Variants in POMT2 observed in about 807,000 individuals in gnomAD.
The protein encoded by POMT2 is protein O-mannosyltransferase 2, also known as protein O-mannosyl-transferase 2.
A neutral mutation model predicts 100.0 loss-of-function variants in POMT2; 75 were observed. The ratio of observed to expected loss-of-function variants is 0.75; its 90% CI spans 0.62 to 0.91. The LOEUF is 0.91. Ranked by LOEUF, POMT2 falls within the 40% of genes least tolerant of loss-of-function variation. The probability of loss-of-function intolerance (pLI) is 0.00; values close to 1 mark genes in which losing one functional copy is unlikely to be tolerated. For missense variants in POMT2, 940 were observed against 955.1 expected (o/e 0.98, Z 0.21); for synonymous variants, 378 against 374.1 (o/e 1.01, Z -0.12).
At chr14:77,296,134 G>A (rs1220173281) in intron 9 of POMT2, 30 bp downstream of exon 9, 2 of 1,507,782 alleles carry the variant, frequency 1.3e-6, no homozygotes, top group African/African-American at 1.4e-5. Flanking sequence ...CAGCATTGCT[G>A]CCGTACAAGT....
chr14:77,304,594 G>T, intron 4 of POMT2, 98 bp downstream of exon 4: 1 of 1,528,170 alleles, frequency 6.5e-7, no homozygotes, highest in South Asian at 1.2e-5. Flanking sequence ...AATTGAACTG[G>T]ACCCACATAT....
Position 77,320,634 on chromosome 14 carries a change from G to C in POMT2, c.48C>G (p.Pro16=). The stretch of plus-strand genomic sequence containing the variant: ...CCTGGGGGCCACAGCGGCCCCTCCG[G>C]GGACGCAGCTCGGACTCTGCCAGGC... ...GGGLAESELR[P]RRGRCGPQAA... The change falls in exon 1 of 21, where the codon CCC becomes CCG. Residue 16 remains proline (P), a synonymous_variant. Coordinates refer to ENST00000261534, the MANE Select transcript of POMT2 (RefSeq NM_013382.7). The C allele has an allele frequency of 6.3e-7, 1 of 1,592,714 alleles. No homozygotes were observed. Among genetic ancestry groups the C allele is most frequent in the South Asian group, 1.1e-5 (1 of 90,574 alleles).
At chr14:77,317,741 G>A (rs1462474806) in intron 1 of POMT2, among the ~76,000 whole-genome samples, 1 of 152,176 alleles carries the variant, frequency 6.6e-6, no homozygotes, top group African/African-American at 2.4e-5. Flanking sequence ...TTGAAAATGT[G>A]AGATTCTCCC....
At position 77,285,581 on chromosome 14, in the gene POMT2, T is replaced by C. The variant is rs17852978; in HGVS notation, c.1384A>G (p.Lys462Glu). The C allele has an allele frequency of 2.5e-6, 4 of 1,613,776 alleles. No individual in the cohort carries two copies. In the African/African-American group the frequency reaches 5.3e-5, roughly 22 times the overall value. ...AGCACTTTGATCCGGTTTCCAAATT[T>C]CCTGTTTACGACCTCAATCCGCCAG... ...DFWRIEVVNRKFGNRIKVLRS... is the reference protein window; with the variant it reads ...DFWRIEVVNREFGNRIKVLRS... The change falls in exon 13 of 21, where the codon AAA becomes GAA. Residue 462 changes from lysine (K) to glutamate (E), a missense_variant. Lys to Glu is a moderately conservative substitution (Grantham distance 56). Coordinates refer to ENST00000261534, the MANE Select transcript of POMT2 (RefSeq NM_013382.7).
intron 8 of POMT2, among the ~76,000 whole-genome samples, chr14:77,298,245 T>G (rs533937632): frequency 2.2e-3 from 332 of 152,302 alleles, no homozygotes; most frequent in African/African-American, 7.6e-3. Flanking sequence ...GTGCTCCCTC[T>G]TTACGTACTT....
intron 2 of POMT2, among the ~76,000 whole-genome samples, chr14:77,307,271 G>T (rs1011265392): frequency 6.6e-6 from 1 of 152,242 alleles, no homozygotes; most frequent in South Asian, 2.1e-4. Flanking sequence ...GGCTGTGTTG[G>T]GGGAGGGAAT....
In POMT2 at chr14:77,302,825, A is replaced by G. The variant is rs1240189226; in HGVS notation, c.656+10T>C. On this transcript the variant is annotated intron_variant, in intron 5 of 20. Coordinates refer to ENST00000261534, the MANE Select transcript of POMT2 (RefSeq NM_013382.7). ...TCCAACCCTCCCCTCCCGGGGATGG[A>G]GTTTCTGACCTGTCGGCGCAAGAGT... The G allele has an allele frequency of 1.2e-6, 2 of 1,602,876 alleles. No homozygotes were observed. The highest frequency in any genetic ancestry group is 1.7e-6 in the Non-Finnish European group (2 of 1,170,354).
chr14:77,300,566 T>C (rs1890991753), intron 6 of POMT2: 1 of 171,730 alleles, frequency 5.8e-6, no homozygotes, highest in African/African-American at 2.4e-5. Flanking sequence ...ATGCCTGTAA[T>C]CCCCGCACTT....
At position 77,320,513 on chromosome 14, in the gene POMT2, A is replaced by G; in HGVS notation, c.169T>C (p.Trp57Arg). Residue 57 changes from tryptophan (W) to arginine (R), a missense_variant, in exon 1 of 21, where the codon TGG (tryptophan) becomes CGG (arginine). Transcript: ENST00000261534. ...WGSRRFEAVG[W>R]WALLALVTLL... ...GTCACCAAGGCCAGCAGGGCCCACC[A>G]GCCGACCGCCTCGAAGCGCCGTGAG... 6.4e-7 allele frequency: 1 copy of G among 1,551,142 alleles called. No homozygotes were observed. Among genetic ancestry groups the G allele is most frequent in the Non-Finnish European group, 8.7e-7 (1 of 1,152,142 alleles).
At chr14:77,312,246 A>G in intron 1 of POMT2, 1 of 692,826 alleles carries the variant, frequency 1.4e-6, no homozygotes, top group South Asian at 2.0e-5. Context: ...GAGAAAGGCG[A>G]GCAAATATTC....
intron 18 of POMT2, chr14:77,279,123 A>G: frequency 1.7e-6 from 1 of 575,076 alleles, no homozygotes; most frequent in South Asian, 1.9e-5. Context: ...CCCAGCCTCT[A>G]AAGAAACCCT....
intron 19 of POMT2, 95 bp downstream of exon 19, chr14:77,278,634 C>T: frequency 6.4e-7 from 1 of 1,550,772 alleles, no homozygotes; most frequent in Non-Finnish European, 8.9e-7. Flanking sequence ...ACAGTGGCCT[C>T]CCGTCAAGGA....
At chr14:77,299,172 T>A (rs1489528566) in intron 7 of POMT2, among the ~76,000 whole-genome samples, 1 of 152,250 alleles carries the variant, frequency 6.6e-6, no homozygotes, top group Non-Finnish European at 1.5e-5. Context: ...CTGCACATCT[T>A]ATTGTGGCCT....
chr14:77,292,847 A>G (rs371489639), intron 9 of POMT2, among the ~76,000 whole-genome samples: 2 of 152,336 alleles, frequency 1.3e-5, no homozygotes, highest in African/African-American at 4.8e-5. Context: ...GTCTAGGAGC[A>G]ATCAGCTATA....
At chr14:77,301,573 C>T (rs1891044650) in intron 5 of POMT2, among the ~76,000 whole-genome samples, 1 of 152,204 alleles carries the variant, frequency 6.6e-6, no homozygotes, top group Non-Finnish European at 1.5e-5. Context: ...AAAGGAGAAT[C>T]CTTAGGTGCC....
chr14:77,302,362 G>A (rs1173631297), intron 5 of POMT2, among the ~76,000 whole-genome samples: 2 of 152,166 alleles, frequency 1.3e-5, no homozygotes, highest in Non-Finnish European at 2.9e-5. Context: ...ATTAGGTCAG[G>A]ACTGGATGCA....
chr14:77,308,638 G>A (rs1329099050), intron 2 of POMT2: 4 of 355,834 alleles, frequency 1.1e-5, no homozygotes, highest in Non-Finnish European at 2.2e-5. Context: ...TTACAGGCGT[G>A]AGCCACCGCG....
intron 1 of POMT2, among the ~76,000 whole-genome samples, chr14:77,318,438 T>C (rs571889995): frequency 5.3e-4 from 81 of 152,340 alleles, no homozygotes; most frequent in South Asian, 6.2e-4. Context: ...ACCTCCCTCA[T>C]AGGTGTGCAA....
At chr14:77,307,799 C>G (rs1347813073) in intron 2 of POMT2, among the ~76,000 whole-genome samples, 1 of 150,790 alleles carries the variant, frequency 6.6e-6, no homozygotes, top group Non-Finnish European at 1.5e-5. Flanking sequence ...GGAAGACACT[C>G]AAAATTCAAT....
Sources: gnomAD v4.1 joint callset for allele counts (sites outside exome capture counted in the v4.1 genomes callset) on GRCh38, gnomAD v4.1.1 for gene constraint, MANE v1.5 for transcripts, NCBI Gene and HGNC (gene_info 2026-07-23, HGNC 2026-07-21) for gene names.